The following PDE4D variants were observed in gnomAD, a reference collection of about 807,000 sequenced individuals.
The protein encoded by PDE4D is 3',5'-cyclic-AMP phosphodiesterase 4D.
Under a neutral mutation model 87.4 loss-of-function variants are expected in PDE4D, and 24 were observed. The ratio of observed to expected loss-of-function variants is 0.27; its 90% CI spans 0.20 to 0.39. The LOEUF (loss-of-function observed/expected upper bound fraction) is 0.39. Among genes scored for constraint, PDE4D ranks in the 10% least tolerant of loss-of-function variants. The pLI, the probability that PDE4D is intolerant of heterozygous loss-of-function variation, is 1.00. For missense variants in PDE4D, 714 were observed against 1,041.0 expected (o/e 0.69, Z 4.32); for synonymous variants, 384 against 383.2 (o/e 1.00, Z -0.02).
intron 1 of PDE4D, among the ~76,000 whole-genome samples, chr5:60,376,836 C>T (rs915977587): frequency 3.9e-5 from 6 of 152,216 alleles, no homozygotes; most frequent in African/African-American, 1.4e-4. Flanking sequence ...TGTTGACTAT[C>T]TCCAAATGAT....
At chr5:59,079,132 G>A (rs747817568) in intron 5 of PDE4D, among the ~76,000 whole-genome samples, 7 of 152,222 alleles carry the variant, frequency 4.6e-5, no homozygotes, top group Non-Finnish European at 8.8e-5. Flanking sequence ...GATTAAGGCA[G>A]ATATACACCA....
At chr5:59,488,360 A>G (rs1805547237) in intron 1 of PDE4D, among the ~76,000 whole-genome samples, 1 of 152,222 alleles carries the variant, frequency 6.6e-6, no homozygotes, top group South Asian at 2.1e-4. Context: ...AGAAAGAAAT[A>G]GAGGAGAGAT....
At chr5:60,413,713 T>TTC (rs368856594) in intron 1 of PDE4D, among the ~76,000 whole-genome samples, 18,812 of 139,104 alleles carry the variant, frequency 0.14, 1,762 homozygotes, top group African/African-American at 0.3. Context: ...CTTTTTTCGT[T>TTC]TATTTTTTTT....
At chr5:60,258,923 A>C (rs10471475) in intron 1 of PDE4D, among the ~76,000 whole-genome samples, 82,076 of 151,800 alleles carry the variant, frequency 0.54, 23,033 homozygotes, top group African/African-American at 0.68. Context: ...CATAAAAATT[A>C]TCTTTGCAGG....
chr5:60,107,468 A>T (rs1398491800), intron 2 of PDE4D, among the ~76,000 whole-genome samples: 2 of 152,236 alleles, frequency 1.3e-5, no homozygotes, highest in Non-Finnish European at 2.9e-5. Flanking sequence ...AAACTATTCC[A>T]ATCAATAGAA....
intron 2 of PDE4D, among the ~76,000 whole-genome samples, chr5:60,109,728 G>C (rs1000926967): frequency 5.3e-5 from 8 of 152,082 alleles, no homozygotes; most frequent in African/African-American, 1.9e-4. Context: ...GGATGAAATT[G>C]GAAATCATCA....
intron 1 of PDE4D, among the ~76,000 whole-genome samples, chr5:59,715,864 T>C (rs967393634): frequency 6.6e-6 from 1 of 152,230 alleles, no homozygotes; most frequent in African/African-American, 2.4e-5. Flanking sequence ...CTGGAGTTGT[T>C]GCTCCTTGTA....
intron 3 of PDE4D, among the ~76,000 whole-genome samples, chr5:59,911,451 C>T (rs887353620): frequency 6.6e-6 from 1 of 152,118 alleles, no homozygotes; most frequent in Non-Finnish European, 1.5e-5. Context: ...AATCAGCACT[C>T]CCTGGCATCC....
At chr5:59,323,484 C>A (rs1775079198) in intron 1 of PDE4D, among the ~76,000 whole-genome samples, 1 of 152,032 alleles carries the variant, frequency 6.6e-6, no homozygotes, top group African/African-American at 2.4e-5. Context: ...ACTCCCCTTG[C>A]CCCCAGTCTG....
chr5:59,352,520 G>A (rs1780684143), intron 1 of PDE4D, among the ~76,000 whole-genome samples: 1 of 152,132 alleles, frequency 6.6e-6, no homozygotes, highest in African/African-American at 2.4e-5. Context: ...TGTGCAGTTT[G>A]GTTGGGCAAT....
intron 3 of PDE4D, among the ~76,000 whole-genome samples, chr5:59,982,414 A>T (rs995378356): frequency 1.3e-5 from 2 of 152,178 alleles, no homozygotes; most frequent in African/African-American, 4.8e-5. Flanking sequence ...CTTCATTCCC[A>T]TAACTTCCCA....
chr5:59,642,589 T>C (rs187122896), intron 1 of PDE4D, among the ~76,000 whole-genome samples: 2 of 152,302 alleles, frequency 1.3e-5, no homozygotes, highest in East Asian at 3.9e-4. Flanking sequence ...CATTTTTTCT[T>C]GCCGCCACCA....
chr5:60,086,480 T>C (rs2152907295), intron 2 of PDE4D, among the ~76,000 whole-genome samples: 1 of 152,326 alleles, frequency 6.6e-6, no homozygotes, highest in Admixed American at 6.5e-5. Context: ...AACTAATGCA[T>C]AATTATTCCC....
At chr5:60,326,905 G>T (rs1279476767) in intron 1 of PDE4D, among the ~76,000 whole-genome samples, 2 of 152,070 alleles carry the variant, frequency 1.3e-5, no homozygotes, top group African/African-American at 2.4e-5. Flanking sequence ...TTTTCACTGA[G>T]GTAGACACAG....
At chr5:59,931,694 C>CTTTT (rs35943138) in intron 3 of PDE4D, among the ~76,000 whole-genome samples, 405 of 126,518 alleles carry the variant, frequency 3.2e-3, no homozygotes, top group Non-Finnish European at 4.2e-3. Context: ...TCTTCTTCTT[C>CTTTT]TTTTTTTTTT....
intron 1 of PDE4D, among the ~76,000 whole-genome samples, chr5:59,406,294 C>T (rs1340888410): frequency 6.7e-6 from 1 of 150,350 alleles, no homozygotes; most frequent in Non-Finnish European, 1.5e-5. Flanking sequence ...TTTAGGTTTT[C>T]CAATTTATTT....
intron 3 of PDE4D, among the ~76,000 whole-genome samples, chr5:59,918,456 T>C (rs1479651382): frequency 6.6e-6 from 1 of 152,202 alleles, no homozygotes; most frequent in Admixed American, 6.5e-5. Context: ...CTGTTTATAT[T>C]TTCCTCATCT....
At chr5:60,202,802 C>T (rs1325672780) in intron 1 of PDE4D, among the ~76,000 whole-genome samples, 2 of 151,858 alleles carry the variant, frequency 1.3e-5, no homozygotes, top group Non-Finnish European at 2.9e-5. Flanking sequence ...TTTTGAGGCA[C>T]TCATTTATTG....
At chr5:60,202,352 A>G (rs1001621952) in intron 1 of PDE4D, among the ~76,000 whole-genome samples, 53 of 152,170 alleles carry the variant, frequency 3.5e-4, no homozygotes, top group African/African-American at 1.3e-3. Context: ...AATTTTGTAA[A>G]GATAGAGTTT....
Sources: gnomAD v4.1 joint callset for allele counts (sites outside exome capture counted in the v4.1 genomes callset) on GRCh38, gnomAD v4.1.1 for gene constraint, MANE v1.5 for transcripts, NCBI Gene and HGNC (gene_info 2026-07-23, HGNC 2026-07-21) for gene names.